CHCHD6: variants seen among roughly 807,000 people sequenced by gnomAD.
CHCHD6 encodes coiled-coil-helix-coiled-coil-helix domain containing 6, also known as MICOS complex subunit MIC25.
Under a neutral mutation model 32.3 loss-of-function variants are expected in CHCHD6, and 28 were observed. The observed-to-expected ratio is 0.87, with a 90% confidence interval of 0.64 to 1.19. CHCHD6 has a LOEUF of 1.19. CHCHD6 is among the 50% of genes most tolerant of loss of function. CHCHD6 has a pLI of 0.00. For missense variants in CHCHD6, 333 were observed against 307.0 expected (o/e 1.08, Z -0.63); for synonymous variants, 122 against 117.5 (o/e 1.04, Z -0.25).
chr3:126,914,268 A>G (rs1297502792), intron 5 of CHCHD6, among the ~76,000 whole-genome samples: 1 of 152,210 alleles, frequency 6.6e-6, no homozygotes, highest in African/African-American at 2.4e-5. Context: ...CTTTAAAGAT[A>G]GTAAGTATTT....
At chr3:126,893,768 A>C (rs571506564) in intron 5 of CHCHD6, among the ~76,000 whole-genome samples, 1 of 152,314 alleles carries the variant, frequency 6.6e-6, no homozygotes, top group Admixed American at 6.5e-5. Flanking sequence ...TGCATTGACT[A>C]TCCTGGGTGT....
intron 4 of CHCHD6, among the ~76,000 whole-genome samples, chr3:126,751,446 G>A (rs1936715337): frequency 6.8e-6 from 1 of 146,342 alleles, no homozygotes; most frequent in Admixed American, 6.9e-5. Flanking sequence ...AGGTTGCAGT[G>A]AGCCGAGATC....
At chr3:126,897,942 G>A (rs2077864648) in intron 5 of CHCHD6, among the ~76,000 whole-genome samples, 1 of 152,216 alleles carries the variant, frequency 6.6e-6, no homozygotes, top group Admixed American at 6.5e-5. Context: ...TTCAGCCTCA[G>A]TCTCTGCCTG....
intron 4 of CHCHD6, chr3:126,767,316 A>G: frequency 1.9e-6 from 2 of 1,058,182 alleles, no homozygotes; most frequent in Non-Finnish European, 3.0e-6. Context: ...GCAAACACGG[A>G]GCCCATTTCC....
At chr3:126,874,871 G>A (rs1293225494) in intron 5 of CHCHD6, among the ~76,000 whole-genome samples, 1 of 152,070 alleles carries the variant, frequency 6.6e-6, no homozygotes. Flanking sequence ...GCCCCTTCTG[G>A]CTGTCTGCCT....
At chr3:126,903,042 T>C (rs889754858) in intron 5 of CHCHD6, among the ~76,000 whole-genome samples, 18 of 152,180 alleles carry the variant, frequency 1.2e-4, no homozygotes, top group African/African-American at 3.9e-4. Context: ...AGCTGCCTGC[T>C]TGGGAGCAAG....
intron 4 of CHCHD6, among the ~76,000 whole-genome samples, chr3:126,849,003 G>A (rs557089153): frequency 7.6e-4 from 115 of 152,316 alleles, no homozygotes; most frequent in African/African-American, 2.5e-3. Flanking sequence ...GCCTTCTGAG[G>A]CCTGTCTCCA....
chr3:126,866,363 T>C (rs1036526105), intron 5 of CHCHD6, among the ~76,000 whole-genome samples: 5 of 152,218 alleles, frequency 3.3e-5, no homozygotes, highest in Non-Finnish European at 5.9e-5. Context: ...CAGTAATCAC[T>C]GACTTTGCCT....
At chr3:126,709,736 A>C (rs1934667470) in intron 1 of CHCHD6, among the ~76,000 whole-genome samples, 1 of 152,168 alleles carries the variant, frequency 6.6e-6, no homozygotes, top group African/African-American at 2.4e-5. Context: ...GCATTTCCCT[A>C]ATAACTAATG....
chr3:126,947,014 G>A (rs750150001), intron 6 of CHCHD6, among the ~76,000 whole-genome samples: 1 of 152,252 alleles, frequency 6.6e-6, no homozygotes, highest in Non-Finnish European at 1.5e-5. Context: ...CAGAGGATTT[G>A]GGGCCACACG....
At chr3:126,756,333 C>T (rs890240177) in intron 4 of CHCHD6, among the ~76,000 whole-genome samples, 19 of 152,174 alleles carry the variant, frequency 1.2e-4, no homozygotes, top group Admixed American at 2.0e-4. Context: ...ATTATTAAAA[C>T]GCTTCTCCTT....
chr3:126,904,322 T>C (rs2077974505), intron 5 of CHCHD6, among the ~76,000 whole-genome samples: 2 of 152,178 alleles, frequency 1.3e-5, no homozygotes, highest in Admixed American at 6.5e-5. Context: ...GTGTCTCCTC[T>C]GGGGCTCCCC....
At chr3:126,765,719 A>G (rs1937342406) in intron 4 of CHCHD6, among the ~76,000 whole-genome samples, 1 of 152,218 alleles carries the variant, frequency 6.6e-6, no homozygotes. Flanking sequence ...CTGGCTCCAC[A>G]GGGAACCACC....
intron 4 of CHCHD6, among the ~76,000 whole-genome samples, chr3:126,740,373 G>A (rs1229786266): frequency 1.3e-5 from 2 of 152,092 alleles, no homozygotes; most frequent in African/African-American, 4.8e-5. Context: ...AATGTGTGGA[G>A]GGAAGGTGTC....
chr3:126,713,880 A>G (rs1195222479), intron 1 of CHCHD6, among the ~76,000 whole-genome samples: 1 of 152,104 alleles, frequency 6.6e-6, no homozygotes, highest in Non-Finnish European at 1.5e-5. Context: ...GATCGAGACC[A>G]TCCTGTCTAA....
chr3:126,878,735 G>A (rs993045843), intron 5 of CHCHD6, among the ~76,000 whole-genome samples: 1 of 152,328 alleles, frequency 6.6e-6, no homozygotes, highest in Admixed American at 6.5e-5. Context: ...TGGGAAATAG[G>A]ATAATCACAG....
intron 5 of CHCHD6, among the ~76,000 whole-genome samples, chr3:126,873,050 A>C (rs572634515): frequency 6.6e-6 from 1 of 152,326 alleles, no homozygotes; most frequent in East Asian, 1.9e-4. Context: ...TTCCTTGAAC[A>C]CGGCTGGTCG....
At chr3:126,730,701 CT>C in intron 3 of CHCHD6, 71 bp downstream of exon 3, 1 of 1,287,628 alleles carries the variant, frequency 7.8e-7, no homozygotes, top group Non-Finnish European at 1.1e-6. Flanking sequence ...CTGGGTACCC[CT>C]CTCCTTGCCT....
chr3:126,772,873 T>C (rs142521570), intron 4 of CHCHD6, among the ~76,000 whole-genome samples: 1 of 152,348 alleles, frequency 6.6e-6, no homozygotes, highest in African/African-American at 2.4e-5. Context: ...TAATAGTCTT[T>C]CCTTTCAATA....
Sources: allele counts gnomAD v4.1 joint callset (sites outside exome capture counted in the v4.1 genomes callset), GRCh38; gene constraint gnomAD v4.1.1; transcripts MANE v1.5; gene names NCBI Gene and HGNC (gene_info 2026-07-23, HGNC 2026-07-21).